The following RAB33B variants were observed in gnomAD, a reference collection of about 807,000 sequenced individuals.
The protein encoded by RAB33B is ras-related protein Rab-33B.
A neutral mutation model predicts 15.0 loss-of-function variants in RAB33B; 6 were observed. The observed-to-expected ratio is 0.40, with a 90% confidence interval of 0.22 to 0.79. RAB33B has a LOEUF of 0.79. RAB33B is among the 30% of genes least tolerant of loss of function. RAB33B has a pLI of 0.37. For synonymous variants in RAB33B, 117 were observed against 108.3 expected (o/e 1.08, Z -0.50); for missense variants, 257 against 296.4 (o/e 0.87, Z 0.98).
In RAB33B at chr4:139,473,256, G is replaced by C. The variant is rs371018294; in HGVS notation, c.*130G>C. On this transcript the variant is annotated 3_prime_UTR_variant, in exon 2 of 2. Coordinates refer to ENST00000305626, the MANE Select transcript of RAB33B (RefSeq NM_031296.3). ...ACACTTTGCTGTTTGTCATTGTCAC[G>C]CTTTTGTATTTTGTATCTACTTAAG... is the stretch of plus-strand genomic sequence containing the variant. 1.1e-6 allele frequency: 1 copy of C among 876,216 alleles called. No individual in the cohort carries two copies. The highest frequency in any genetic ancestry group is 1.7e-5 in the African/African-American group (1 of 58,980). The allele number at this position is 876,216 out of a possible 1,614,324, so 54.3% of individuals were successfully genotyped here.
At chr4:139,457,850 C>T (rs1750099036) in intron 1 of RAB33B, among the ~76,000 whole-genome samples, 1 of 152,066 alleles carries the variant, frequency 6.6e-6, no homozygotes, top group Non-Finnish European at 1.5e-5. Flanking sequence ...TACTTTAATC[C>T]TTCTTATCCT....
chr4:139,458,489 G>A (rs1196709075), intron 1 of RAB33B, among the ~76,000 whole-genome samples: 1 of 152,174 alleles, frequency 6.6e-6, no homozygotes, highest in Admixed American at 6.5e-5. Context: ...AGTGTGTGTT[G>A]TTCCTGTCTT....
At chr4:139,466,584 CTT>C (rs552134078) in intron 1 of RAB33B, among the ~76,000 whole-genome samples, 4 of 144,026 alleles carry the variant, frequency 2.8e-5, no homozygotes. Flanking sequence ...TTTCTTTTTT[CTT>C]TTTTTTTTTT....
intron 1 of RAB33B, among the ~76,000 whole-genome samples, chr4:139,459,301 G>A (rs1750125387): frequency 6.6e-6 from 1 of 151,992 alleles, no homozygotes; most frequent in South Asian, 2.1e-4. Context: ...GCCAAGTACG[G>A]TGGCATGTAC....
chr4:139,448,778 C>T (rs572230785), upstream of RAB33B: 2 of 152,212 alleles, frequency 1.3e-5, no homozygotes, highest in African/African-American at 4.8e-5. Flanking sequence ...TACAAATCCC[C>T]TTTTGCAACA....
upstream of RAB33B, chr4:139,451,745 C>T (rs1328501176): frequency 6.6e-6 from 1 of 152,106 alleles, no homozygotes; most frequent in African/African-American, 2.4e-5. Context: ...ACTTATCTTA[C>T]CCTAAGCCAT....
upstream of RAB33B, chr4:139,454,022 G>A: frequency 1.5e-6 from 1 of 689,592 alleles, no homozygotes. Flanking sequence ...CCACACCTGT[G>A]CGGGCAAGGG....
At chr4:139,470,672 T>A (rs1750371453) in intron 1 of RAB33B, among the ~76,000 whole-genome samples, 1 of 152,182 alleles carries the variant, frequency 6.6e-6, no homozygotes, top group Admixed American at 6.5e-5. Context: ...GTCTCAGAGG[T>A]TCACCCAAGA....
intron 1 of RAB33B, among the ~76,000 whole-genome samples, chr4:139,462,911 C>T (rs775665377): frequency 6.6e-6 from 1 of 152,144 alleles, no homozygotes; most frequent in Non-Finnish European, 1.5e-5. Flanking sequence ...TGCCATGGCT[C>T]ATGCATGTAA....
At chr4:139,455,198 T>C (rs1008446201) in intron 1 of RAB33B, among the ~76,000 whole-genome samples, 3 of 152,192 alleles carry the variant, frequency 2.0e-5, no homozygotes, top group Non-Finnish European at 4.4e-5. Flanking sequence ...TTTGAAGTTC[T>C]GAGGGGTTGG....
At chr4:139,457,984 C>A (rs189660102) in intron 1 of RAB33B, among the ~76,000 whole-genome samples, 97 of 152,282 alleles carry the variant, frequency 6.4e-4, no homozygotes, top group Non-Finnish European at 1.3e-3. Flanking sequence ...TGAACTGTTG[C>A]AGCAGCTTAA....
At chr4:139,464,714 G>A (rs567422528) in intron 1 of RAB33B, among the ~76,000 whole-genome samples, 2 of 152,296 alleles carry the variant, frequency 1.3e-5, no homozygotes, top group South Asian at 4.1e-4. Context: ...CAAAGGACAT[G>A]AACTCATCCT....
At position 139,473,048 on chromosome 4, in the gene RAB33B, ATTAATGC is replaced by A; in HGVS notation, c.616_622del (p.Met206ValfsTer10). 6.2e-7 allele frequency: 1 copy of A among 1,614,150 alleles called. No individual in the cohort carries two copies. Among genetic ancestry groups the A allele is most frequent in the Non-Finnish European group, 8.5e-7 (1 of 1,180,026 alleles). On this transcript the variant is annotated frameshift_variant, in exon 2 of 2. Coordinates refer to ENST00000305626, the MANE Select transcript of RAB33B (RefSeq NM_031296.3). LOFTEE classifies it high-confidence loss of function. ...CTCATAAGCTTAAGAGCCACAAACC[ATTAATGC>A]TTAGTCAGCCCCCTGATAATGGAAT... is the stretch of plus-strand genomic sequence containing the variant.
chr4:139,441,294 T>C, the RAB33B span, among the ~76,000 whole-genome samples: 2 of 152,128 alleles, frequency 1.3e-5, no homozygotes, highest in African/African-American at 2.4e-5. Flanking sequence ...GTTGAGGAAA[T>C]AGATTCCACT....
intron 1 of RAB33B, among the ~76,000 whole-genome samples, chr4:139,459,672 T>C (rs1379772474): frequency 6.6e-6 from 1 of 151,814 alleles, no homozygotes; most frequent in Non-Finnish European, 1.5e-5. Flanking sequence ...CTTGCTCTGT[T>C]GCCCAGGCTG....
At chr4:139,443,699 G>A in the RAB33B span, among the ~76,000 whole-genome samples, 3 of 152,322 alleles carry the variant, frequency 2.0e-5, no homozygotes, top group South Asian at 4.1e-4. Flanking sequence ...GACACTGTAA[G>A]TTGGAATGGG....
At chr4:139,472,462 G>T (rs1044828803) in intron 1 of RAB33B, among the ~76,000 whole-genome samples, 1 of 152,124 alleles carries the variant, frequency 6.6e-6, no homozygotes. Context: ...AGAAAATCCT[G>T]TATTGAAATA....
the RAB33B span, among the ~76,000 whole-genome samples, chr4:139,438,968 ATCT>A: frequency 1.2e-4 from 18 of 152,120 alleles, no homozygotes; most frequent in Admixed American, 6.5e-5. Flanking sequence ...GGAAAGTCTT[ATCT>A]TCTACTTCAA....
At chr4:139,451,641 G>C (rs1473509955), upstream of RAB33B, 1 of 152,064 alleles carries the variant, frequency 6.6e-6, no homozygotes, top group Non-Finnish European at 1.5e-5. Context: ...CTCCCAAAGC[G>C]TTGGGATTAT....
Sources: gnomAD v4.1 joint callset for allele counts (sites outside exome capture counted in the v4.1 genomes callset) on GRCh38, gnomAD v4.1.1 for gene constraint, MANE v1.5 for transcripts, NCBI Gene and HGNC (gene_info 2026-07-23, HGNC 2026-07-21) for gene names.